CUL7: variants seen among roughly 807,000 people sequenced by gnomAD.
CUL7 encodes cullin-7.
In CUL7, 96 loss-of-function variants were observed where a neutral mutation model predicts 177.7. The ratio of observed to expected loss-of-function variants is 0.54; its 90% CI spans 0.46 to 0.64. The LOEUF (loss-of-function observed/expected upper bound fraction) is 0.64, where lower values mean the gene tolerates loss of function less well. CUL7 is among the 30% of genes least tolerant of loss of function. The probability of loss-of-function intolerance (pLI) is 0.00; values close to 1 mark genes in which losing one functional copy is unlikely to be tolerated. For synonymous variants in CUL7, 824 were observed against 890.2 expected, an observed-to-expected ratio of 0.93 and a Z score of 1.32; for missense variants, 1,893 against 2,187.9, an observed-to-expected ratio of 0.87 and a Z score of 2.69.
chr6:43,046,626 G>A (rs1763933616), intron 10 of CUL7, 25 bp from the exon 11 acceptor site: 1 of 1,613,870 alleles, frequency 6.2e-7, no homozygotes, highest in South Asian at 1.1e-5. Context: ...TCAGAGAGAA[G>A]GGGCACAGGG....
intron 7 of CUL7, among the ~76,000 whole-genome samples, chr6:43,049,050 GC>G (rs1764183771): frequency 1.3e-5 from 2 of 152,254 alleles, no homozygotes; most frequent in African/African-American, 4.8e-5. Context: ...GGGATTACAG[GC>G]GTGAGCCACC....
At chr6:43,046,449 GGT>G (rs772163020) in intron 11 of CUL7, 42 bp from the exon 12 acceptor site, 9 of 1,614,182 alleles carry the variant, frequency 5.6e-6, no homozygotes, top group Non-Finnish European at 6.8e-6. Flanking sequence ...GGTCAGGTAG[GGT>G]GTAGAGGGGA....
chr6:43,040,847 C>T lies in CUL7; in HGVS notation c.3806+68G>A. 1 of 1,601,996 alleles carries T rather than the reference C, an allele frequency of 6.2e-7. No homozygotes were observed. The highest frequency in any genetic ancestry group is 2.2e-5 in the East Asian group (1 of 44,752). On this transcript the variant is annotated intron_variant, in intron 20 of 25. Coordinates refer to ENST00000265348, the MANE Select transcript of CUL7 (RefSeq NM_014780.5). This position sits in a 1 kb window ranked among gnomAD's most constrained non-coding sequence, Gnocchi z 4.2. ...CCTGCCTCTATCCCAGACTTCCAGG[C>T]CCATGAGCTGGCTCTGCCACCATCA...
Position 43,049,302 on chromosome 6 carries a change from G to A in CUL7, c.1825+105C>T, listed in dbSNP as rs1764204118. On this transcript the variant is annotated intron_variant, in intron 7 of 25. Coordinates refer to ENST00000265348, the MANE Select transcript of CUL7 (RefSeq NM_014780.5). ...CTTCTCTCTAAGTTGCAGCTTCTAAGGTGGCATCACTTCCAGAAAGGATTG... is the reference window on the plus strand; with the variant it reads ...CTTCTCTCTAAGTTGCAGCTTCTAAAGTGGCATCACTTCCAGAAAGGATTG... The A allele has an allele frequency of 2.1e-6, 3 of 1,461,006 alleles. No individual in the cohort carries two copies. The South Asian group carries it at 3.4e-5, about 17-fold the overall frequency. 90.5% of individuals were successfully genotyped at this position (1,461,006 alleles called of 1,614,324 possible).
At position 43,050,895 on chromosome 6, in the gene CUL7, C is replaced by G. The variant is rs538848241; in HGVS notation, c.1233+73G>C. 537 of 1,574,222 alleles carry G rather than the reference C, an allele frequency of 3.4e-4. 2 individuals are homozygous for G. Among genetic ancestry groups the G allele is most frequent in the South Asian group, 2.1e-3 (188 of 90,110 alleles). On this transcript the variant is annotated intron_variant, in intron 4 of 25. Coordinates refer to ENST00000265348, the MANE Select transcript of CUL7 (RefSeq NM_014780.5). This position sits in a 1 kb window ranked among gnomAD's most constrained non-coding sequence, Gnocchi z 4.1. ...CTTTGGGTGGCCTGCTGGAGCCCCC[C>G]CATATAGAAGTCCCAGCTCTGCCCT... is the stretch of plus-strand genomic sequence containing the variant.
rs750599332 is a variant in CUL7, at chr6:43,050,946, C to A, written c.1233+22G>T. The A allele has an allele frequency of 2.5e-6, 4 of 1,613,304 alleles. No homozygotes were observed. The highest frequency in any genetic ancestry group is 3.4e-6 in the Non-Finnish European group (4 of 1,179,948). ...ACCCCAAATAGACCCCCAACAGTAT[C>A]CCACCACCATGTGCCACTCACCTGC... On this transcript the variant is annotated intron_variant, in intron 4 of 25. Transcript: ENST00000265348. This position sits in a 1 kb window ranked among gnomAD's most constrained non-coding sequence, Gnocchi z 4.1.
In CUL7 at chr6:43,045,344, C is replaced by T; in HGVS notation, c.2921G>A (p.Trp974Ter). Reference sequence around the variant, plus strand: ...ACAGAGCTGCTCCCGGAACACTGGCCAGAACGTGGGCTTGGGGCCTAGGAT... The same window carrying T: ...ACAGAGCTGCTCCCGGAACACTGGCTAGAACGTGGGCTTGGGGCCTAGGAT... ...LEILGPKPTF[W>*]PVFREQLCRH... is the part of the protein sequence containing the mutation. Residue 974 changes from tryptophan (W) to a stop codon, truncating the protein, a stop_gained, in exon 15 of 26, where the codon TGG (tryptophan) becomes TAG (stop). Transcript: ENST00000265348. LOFTEE classifies it high-confidence loss of function. This position sits in a 1 kb window ranked among gnomAD's most constrained non-coding sequence, Gnocchi z 4.8. The T allele has an allele frequency of 6.2e-7, 1 of 1,614,234 alleles. No homozygotes were observed. The highest frequency in any genetic ancestry group is 8.5e-7 in the Non-Finnish European group (1 of 1,180,038).
chr6:43,040,835 C>T lies in CUL7; in HGVS notation c.3806+80G>A. ...CCAAGGCTCCAGCCTGCCTCTATCC[C>T]AGACTTCCAGGCCCATGAGCTGGCT... On this transcript the variant is annotated intron_variant, in intron 20 of 25. Transcript: ENST00000265348. This position sits in a 1 kb window ranked among gnomAD's most constrained non-coding sequence, Gnocchi z 4.2. 6.2e-7 allele frequency: 1 copy of T among 1,603,426 alleles called. No individual in the cohort carries two copies.
In CUL7 at chr6:43,052,500, C is replaced by T; in HGVS notation, c.289G>A (p.Gly97Arg). The T allele has an allele frequency of 6.2e-7, 1 of 1,614,222 alleles. No individual in the cohort carries two copies. The highest frequency in any genetic ancestry group is 8.5e-7 in the Non-Finnish European group (1 of 1,180,042). Residue 97 changes from glycine to arginine, a missense_variant, in exon 2 of 26, where the codon GGG becomes AGG. Gly to Arg is a moderately radical substitution (Grantham distance 125, BLOSUM62 -2). This residue lies in a region of CUL7 where 653 missense variants were observed against 725.2 expected (regional missense o/e 0.90). Coordinates refer to ENST00000265348, the MANE Select transcript of CUL7 (RefSeq NM_014780.5). This position sits in a 1 kb window ranked among gnomAD's most constrained non-coding sequence, Gnocchi z 4.5. ...QVIGPSQESA[G>R]EVGALDKSVL... ...GATTTGTCCAGGGCCCCAACCTCCCCTGCAGACTCCTGGGAGGGCCCGATG... is the reference window on the plus strand; with the variant it reads ...GATTTGTCCAGGGCCCCAACCTCCCTTGCAGACTCCTGGGAGGGCCCGATG...
chr6:43,043,559 G>T lies in CUL7; in HGVS notation c.3244C>A (p.Pro1082Thr). 1 of 1,613,888 alleles carries T rather than the reference G, an allele frequency of 6.2e-7. No homozygotes were observed. Among genetic ancestry groups the T allele is most frequent in the Non-Finnish European group, 8.5e-7 (1 of 1,179,884 alleles). ...YLECQEAVFN[P>T]QSRGPAFFSR... ...AAGAAAGCTGGGCCGCGGCTCTGGG[G>T]GTTGAAGACAGCTTCCTGACACTCC... Residue 1082 changes from proline to threonine, a missense_variant, in exon 17 of 26, where the codon CCC (proline) becomes ACC (threonine). This residue lies in a region of CUL7 where 973 missense variants were observed against 1,140.9 expected (regional missense o/e 0.85). Coordinates refer to ENST00000265348, the MANE Select transcript of CUL7 (RefSeq NM_014780.5). The surrounding 1 kb of genome is among the most constrained non-coding windows in gnomAD (Gnocchi z 4.2).
chr6:43,044,712 G>A (rs1413370575), intron 16 of CUL7, 40 bp downstream of exon 16: 1 of 1,590,288 alleles, frequency 6.3e-7, no homozygotes, highest in Non-Finnish European at 8.6e-7. Flanking sequence ...GTGGAACCAA[G>A]CCCTGAGATA....
In CUL7 at chr6:43,049,422, C is replaced by T. The variant is rs1764216386; in HGVS notation, c.1810G>A (p.Ala604Thr). Residue 604 changes from alanine (A) to threonine (T), a missense_variant, in exon 7 of 26, where the codon GCA becomes ACA. Around this residue, in one of 5 missense-constraint regions of CUL7, gnomAD observed 973 missense variants for 1,140.9 expected, o/e 0.85. Coordinates refer to ENST00000265348, the MANE Select transcript of CUL7 (RefSeq NM_014780.5). ...AQAQAKDSED[A>T]AKVEAKEPPS... ...TGGCACCCACCTTCCACTTTGGCTG[C>T]ATCTTCTGAGTCCTTAGCCTGGGCC... 1 of 1,614,228 alleles carries T rather than the reference C, an allele frequency of 6.2e-7. No individual in the cohort carries two copies. Among genetic ancestry groups the T allele is most frequent in the Non-Finnish European group, 8.5e-7 (1 of 1,180,040 alleles).
chr6:43,042,690 C>T lies in CUL7; in HGVS notation c.3645+112G>A, dbSNP rs1763550286. ...AAACTTCTTATAACATGGCTATATA[C>T]TAACATATGTTCATCATAGAATGGG... On this transcript the variant is annotated intron_variant, in intron 19 of 25. Coordinates refer to ENST00000265348, the MANE Select transcript of CUL7 (RefSeq NM_014780.5). 6.7e-6 allele frequency: 5 copies of T among 746,418 alleles called. 1 individual carries two copies. Among genetic ancestry groups the T allele is most frequent in the African/African-American group, 3.5e-5 (2 of 57,158 alleles). The allele number at this position is 746,418 out of a possible 1,614,324, so 46.2% of individuals were successfully genotyped here. A position where few individuals can be genotyped will look rare whatever the true frequency, so the allele number is the denominator to read the frequency against.
rs1763093575 is a variant in CUL7 at position 43,038,004 on chromosome 6, T to TC, written c.4780dup (p.Glu1594GlyfsTer19). 6.3e-7 allele frequency: 1 copy of TC among 1,592,200 alleles called. No individual in the cohort carries two copies. Among genetic ancestry groups the TC allele is most frequent in the Admixed American group, 1.7e-5 (1 of 58,382 alleles). ...AGGACACGGGCCCTTCTGCCAAGCC[T>TC]CCAGCACCTGGTGTGGGGGAGGAAG... On this transcript the variant is annotated frameshift_variant, in exon 26 of 26. Transcript: ENST00000265348. LOFTEE classifies it high-confidence loss of function.
At chr6:43,039,041 G>A (rs1043997680) in intron 22 of CUL7, 54 bp from the exon 23 acceptor site, 16 of 1,243,532 alleles carry the variant, frequency 1.3e-5, no homozygotes, top group Non-Finnish European at 1.9e-5. Context: ...GGGAGTTGGT[G>A]TTGGAGGGAG....
intron 19 of CUL7, among the ~76,000 whole-genome samples, chr6:43,042,136 A>C (rs896367764): frequency 9.9e-5 from 15 of 151,188 alleles, no homozygotes; most frequent in African/African-American, 2.2e-4. Context: ...GGAAGGAAGG[A>C]AGGCAGGAAG....
chr6:43,040,133 A>G lies in CUL7; in HGVS notation c.4294+23T>C. On this transcript the variant is annotated intron_variant, in intron 22 of 25. Coordinates refer to ENST00000265348, the MANE Select transcript of CUL7 (RefSeq NM_014780.5). This position sits in a 1 kb window ranked among gnomAD's most constrained non-coding sequence, Gnocchi z 4.2. ...GCAGCCCACCCTCTCCCCAGTCCCC[A>G]GTCCCTCTGCCTGGCTGCTCACTCT... The G allele has an allele frequency of 6.2e-7, 1 of 1,613,990 alleles. No homozygotes were observed. The highest frequency in any genetic ancestry group is 8.5e-7 in the Non-Finnish European group (1 of 1,179,938).
rs746580850 is a variant in CUL7, at chr6:43,043,413, G to C, written c.3355+35C>G. On this transcript the variant is annotated intron_variant, in intron 17 of 25. Coordinates refer to ENST00000265348, the MANE Select transcript of CUL7 (RefSeq NM_014780.5). This position sits in a 1 kb window ranked among gnomAD's most constrained non-coding sequence, Gnocchi z 4.2. ...ACATGGGGCCCAGGAAAACGCTCCT[G>C]ACTAGAGCTCCCCACCTGAATCTCC... The C allele has an allele frequency of 6.2e-7, 1 of 1,608,152 alleles. No homozygotes were observed. The highest frequency in any genetic ancestry group is 1.1e-5 in the South Asian group (1 of 90,894).
At chr6:43,046,816 C>T (rs770469986) in intron 10 of CUL7, 64 bp downstream of exon 10, 51 of 1,242,860 alleles carry the variant, frequency 4.1e-5, no homozygotes, top group East Asian at 1.2e-4. Flanking sequence ...AGCCCTTACC[C>T]GCCACTGCTT....
Sources: gnomAD v4.1 joint callset for allele counts (sites outside exome capture counted in the v4.1 genomes callset) on GRCh38, gnomAD v4.1.1 for gene constraint, gnomAD v4.1.1 regional missense constraint, Gnocchi (gnomAD v3.1) non-coding constraint, MANE v1.5 for transcripts, NCBI Gene and HGNC (gene_info 2026-07-23, HGNC 2026-07-21) for gene names.